Variants in DMD observed in about 807,000 individuals in gnomAD.
The protein encoded by DMD is mutant dystrophin.
DMD carries 63 observed loss-of-function variants against 330.1 expected under a neutral mutation model. That is an observed-to-expected ratio of 0.19 (90% CI 0.16 to 0.24). DMD has a LOEUF of 0.24. Ranked by LOEUF, DMD falls within the 10% of genes least tolerant of loss-of-function variation. The pLI is 1.00. For synonymous variants in DMD, 1,223 were observed against 959.8 expected (o/e 1.27, Z -5.07); for missense variants, 3,344 against 2,684.1 (o/e 1.25, Z -5.43).
chrX:32,865,288 A>C (rs184376653), intron 2 of DMD, among the ~76,000 whole-genome samples: 22 of 111,368 alleles, frequency 2.0e-4, no homozygotes, highest in Non-Finnish European at 2.1e-4. Flanking sequence ...AGCGAATATA[A>C]TTATAGCATG....
chrX:32,544,738 C>T (rs228370), intron 17 of DMD, among the ~76,000 whole-genome samples: 16,803 of 108,921 alleles, frequency 0.15, 1,101 homozygotes, highest in East Asian at 0.29. Context: ...CAGGATGGAT[C>T]CCATCTATTA....
At chrX:31,517,962 C>T (rs1357831327) in intron 55 of DMD, among the ~76,000 whole-genome samples, 1 of 103,484 alleles carries the variant, frequency 9.7e-6, no homozygotes, top group African/African-American at 3.6e-5. Context: ...CACACACACA[C>T]ACCTTGGGGC....
intron 1 of DMD, among the ~76,000 whole-genome samples, chrX:33,130,544 CTA>C (rs57119968): frequency 5.7e-5 from 6 of 106,041 alleles, no homozygotes; most frequent in Admixed American, 1.0e-4. Flanking sequence ...CTAGTAGGGA[CTA>C]TATATATATA....
intron 7 of DMD, among the ~76,000 whole-genome samples, chrX:32,759,769 C>T (rs993135117): frequency 5.0e-5 from 5 of 100,434 alleles, no homozygotes; most frequent in Admixed American, 1.2e-4. Context: ...CAACTACAGA[C>T]GAGATAAGCT....
At chrX:33,221,759 G>A (rs114988933) in intron 1 of DMD, among the ~76,000 whole-genome samples, 3,629 of 110,544 alleles carry the variant, frequency 0.033, 152 homozygotes, top group African/African-American at 0.11. Context: ...CTTCACATAA[G>A]TATTTAATAA....
At chrX:32,777,277 T>TGGGGGGGGGGGGAGGTTGGGG (rs546914107) in intron 7 of DMD, among the ~76,000 whole-genome samples, 1 of 2,113 alleles carries the variant, frequency 4.7e-4, no homozygotes, top group South Asian at 0.031. Context: ...GGTTTCTGGT[T>TGGGGGGGGGGGGAGGTTGGGG]GGGGGGGGAA....
chrX:33,128,574 C>T, intron 1 of DMD: 4 of 572,284 alleles, frequency 7.0e-6, no homozygotes, highest in Non-Finnish European at 8.5e-6. Context: ...GAGTCTGAAG[C>T]AGAAACTGGA....
intron 9 of DMD, among the ~76,000 whole-genome samples, chrX:32,658,385 C>A (rs757228823): frequency 9.0e-5 from 10 of 111,273 alleles, no homozygotes; most frequent in Admixed American, 6.8e-4. Context: ...TAGGTATCTT[C>A]AATTTTGCAG....
At chrX:32,190,585 T>TATATATATATATATATATATA (rs1569549819) in intron 44 of DMD, among the ~76,000 whole-genome samples, 9 of 94,292 alleles carry the variant, frequency 9.5e-5, no homozygotes, top group Non-Finnish European at 1.3e-4. Flanking sequence ...TATATATATA[T>TATATATATATATATATATATA]TTCACCACAA....
intron 48 of DMD, among the ~76,000 whole-genome samples, chrX:31,858,891 C>T (rs2093657060): frequency 9.0e-6 from 1 of 111,625 alleles, no homozygotes; most frequent in African/African-American, 3.3e-5. Flanking sequence ...CAAGTGGCTT[C>T]AAGTTGCTCC....
At chrX:31,570,035 A>T (rs1206043383) in intron 55 of DMD, among the ~76,000 whole-genome samples, 2 of 110,885 alleles carry the variant, frequency 1.8e-5, no homozygotes, top group Non-Finnish European at 3.8e-5. Context: ...AGATTTCACC[A>T]GTTTTTCCAC....
At chrX:32,832,695 ACAC>A (rs1219147100) in intron 4 of DMD, among the ~76,000 whole-genome samples, 5 of 112,065 alleles carry the variant, frequency 4.5e-5, no homozygotes, top group African/African-American at 6.4e-5. Flanking sequence ...ATGTGCTTTT[ACAC>A]CACATTTAAG....
intron 55 of DMD, among the ~76,000 whole-genome samples, chrX:31,537,565 C>T (rs2073494745): frequency 1.8e-5 from 2 of 112,278 alleles, no homozygotes; most frequent in Admixed American, 1.9e-4. Context: ...CTCACCTGGA[C>T]AATTTCAATA....
intron 44 of DMD, among the ~76,000 whole-genome samples, chrX:32,071,676 A>G (rs1269408052): frequency 9.1e-6 from 1 of 110,040 alleles, no homozygotes; most frequent in African/African-American, 3.4e-5. Flanking sequence ...AAATCTCAGA[A>G]ATATCAAAAA....
At chrX:31,145,274 T>A (rs759418204) in intron 76 of DMD, among the ~76,000 whole-genome samples, 1 of 112,082 alleles carries the variant, frequency 8.9e-6, no homozygotes, top group Non-Finnish European at 1.9e-5. Context: ...TTAATTTCCA[T>A]TGAGCTCTCT....
At position 31,146,373 on chromosome X, in the gene DMD, A is replaced by T; in HGVS notation, c.10839T>A (p.Ser3613=). The T allele has an allele frequency of 8.3e-7, 1 of 1,210,600 alleles. No individual in the cohort carries two copies. Among genetic ancestry groups the T allele is most frequent in the Non-Finnish European group, 1.1e-6 (1 of 894,445 alleles). The change falls in exon 76 of 79, where the codon TCT becomes TCA. Residue 3613 remains serine (S), a synonymous_variant. Transcript: ENST00000357033. ...EAKVNGTTVS[S]PSTSLQRSDS... is the part of the protein sequence containing the mutation. Reference sequence around the variant, plus strand: ...CGGACCTCTGTAGAGAGGTAGAAGGAGAGGACACCGTTGTGCCATTCACTT... The same window carrying T: ...CGGACCTCTGTAGAGAGGTAGAAGGTGAGGACACCGTTGTGCCATTCACTT...
At position 32,902,652 on chromosome X, in the gene DMD, A is replaced by G. The variant is rs749683487; in HGVS notation, c.94-52832T>C. On this transcript the variant is annotated intron_variant, in intron 2 of 78. Coordinates refer to ENST00000357033, the MANE Select transcript of DMD (RefSeq NM_004006.3). ...TTTAGTATGCATGATACAAGCTTTC[A>G]TTTCTATAAAAAGAAATGGCAAAAG... 5.4e-4 allele frequency among the ~76,000 whole-genome samples: 60 copies of G among 110,608 alleles called. 1 individual carries two copies. The highest frequency in any genetic ancestry group is 1.0e-3 in the Non-Finnish European group (54 of 53,154).
In DMD at chrX:31,521,970, C is replaced by T. The variant is rs755637975; in HGVS notation, c.8218-14517G>A. 6.3e-5 allele frequency among the ~76,000 whole-genome samples: 7 copies of T among 111,224 alleles called. No individual in the cohort carries two copies. The South Asian group carries it at 2.7e-3, about 42-fold the overall frequency. On this transcript the variant is annotated intron_variant, in intron 55 of 78. Transcript: ENST00000357033. ...CTCTTAAAACTACAAGATGTAAGTTCTCTATTTTAAAGAGCCCATAGCCTT... is the reference window on the plus strand; with the variant it reads ...CTCTTAAAACTACAAGATGTAAGTTTTCTATTTTAAAGAGCCCATAGCCTT...
intron 21 of DMD, 80 bp from the exon 22 acceptor site, chrX:32,472,389 T>C (rs1256834795): frequency 1.1e-6 from 1 of 943,488 alleles, no homozygotes; most frequent in Admixed American, 2.4e-5. Flanking sequence ...GTCAGCAAAC[T>C]CAATTATATT....
Sources: allele counts gnomAD v4.1 joint callset (sites outside exome capture counted in the v4.1 genomes callset), GRCh38; gene constraint gnomAD v4.1.1; transcripts MANE v1.5; gene names NCBI Gene and HGNC (gene_info 2026-07-23, HGNC 2026-07-21).